Variants in EPM2A observed in about 807,000 individuals in gnomAD.
The protein encoded by EPM2A is EPM2A glucan phosphatase, laforin, also known as laforin.
In EPM2A, 21 loss-of-function variants were observed where a neutral mutation model predicts 26.5. That is an observed-to-expected ratio of 0.79 (90% CI 0.56 to 1.14). The LOEUF is 1.14. Among genes scored for constraint, EPM2A ranks in the 50% most tolerant of loss-of-function variants. The probability of loss-of-function intolerance (pLI) is 0.00; values close to 1 mark genes in which losing one functional copy is unlikely to be tolerated. For synonymous variants in EPM2A, 217 were observed against 177.6 expected (o/e 1.22, Z -1.76); for missense variants, 458 against 440.8 (o/e 1.04, Z -0.35).
intron 2 of EPM2A, among the ~76,000 whole-genome samples, chr6:145,548,692 G>A (rs1469049708): frequency 1.3e-5 from 2 of 152,054 alleles, no homozygotes; most frequent in Non-Finnish European, 2.9e-5. Context: ...CCTCTACCCT[G>A]AAGACACCTC....
intron 2 of EPM2A, among the ~76,000 whole-genome samples, chr6:145,541,324 ATGTGTATATATATGTGTG>A (rs1362441326): frequency 7.4e-6 from 1 of 135,098 alleles, no homozygotes; most frequent in Non-Finnish European, 1.6e-5. Context: ...ATACATATAT[ATGTGTATATATATGTGTG>A]TGTGTATATA....
intron 4 of EPM2A, among the ~76,000 whole-genome samples, chr6:145,441,613 T>C (rs778131314): frequency 1.3e-4 from 20 of 152,038 alleles, no homozygotes; most frequent in South Asian, 4.1e-4. Context: ...CCTGTAATCC[T>C]AGCACCCTGG....
At position 145,552,185 on chromosome 6, in the gene EPM2A, A is replaced by G. The variant is rs538034103; in HGVS notation, c.341-49610T>C. Among the ~76,000 whole-genome samples the G allele has an allele frequency of 9.9e-5, 15 of 152,136 alleles. No homozygotes were observed. In the South Asian group the frequency reaches 1.9e-3, roughly 19 times the overall value. ...TGCTTAAAAATTGGAAATATACAAT[A>G]TTTAAAGATTTTTAAAGGCTGAGAA... On this transcript the variant is annotated intron_variant, in intron 2 of 3. Coordinates refer to the EPM2A transcript ENST00000450221.
intron 2 of EPM2A, among the ~76,000 whole-genome samples, chr6:145,570,985 A>G (rs997681769): frequency 7.9e-5 from 12 of 152,144 alleles, no homozygotes; most frequent in Non-Finnish European, 1.3e-4. Flanking sequence ...CATAACTTCC[A>G]GTTTAATAGA....
chr6:145,574,663 A>T (rs1052365501), intron 2 of EPM2A, among the ~76,000 whole-genome samples: 11 of 152,146 alleles, frequency 7.2e-5, no homozygotes, highest in African/African-American at 2.7e-4. Context: ...AAGCCTTTGG[A>T]TCCCTTCCTC....
chr6:145,637,100 T>C (rs1305411703), intron 2 of EPM2A: 1 of 152,210 alleles, frequency 6.6e-6, no homozygotes, highest in Non-Finnish European at 1.5e-5. Flanking sequence ...TGTACCTGAA[T>C]TGGACTGAAA....
chr6:145,464,757 G>A (rs532210128), intron 4 of EPM2A, among the ~76,000 whole-genome samples: 1 of 151,860 alleles, frequency 6.6e-6, no homozygotes, highest in South Asian at 2.1e-4. Flanking sequence ...TGTTATATAG[G>A]TAGATATGAC....
intron 1 of EPM2A, among the ~76,000 whole-genome samples, chr6:145,715,236 G>A (rs1276381233): frequency 6.6e-6 from 1 of 152,086 alleles, no homozygotes; most frequent in Non-Finnish European, 1.5e-5. Flanking sequence ...ATTCCTGCAA[G>A]TGCTAGACAG....
intron 1 of EPM2A, among the ~76,000 whole-genome samples, chr6:145,728,302 G>A (rs1776312736): frequency 6.6e-6 from 1 of 152,172 alleles, no homozygotes; most frequent in African/African-American, 2.4e-5. Flanking sequence ...GGCAGAGGTT[G>A]GGACAGTTTG....
intron 4 of EPM2A, among the ~76,000 whole-genome samples, chr6:145,422,072 T>TAGAG (rs1327374491): frequency 5.0e-4 from 64 of 127,150 alleles, no homozygotes; most frequent in African/African-American, 1.8e-3. Flanking sequence ...TATATATATA[T>TAGAG]ATATAGAGAG....
At chr6:145,491,082 G>A in intron 4 of EPM2A, 1 of 702,714 alleles carries the variant, frequency 1.4e-6, no homozygotes, top group Admixed American at 1.9e-5. Flanking sequence ...AACATTTGAA[G>A]TTGCTGCAAT....
chr6:145,709,139 G>A (rs1280074350), intron 1 of EPM2A, among the ~76,000 whole-genome samples: 1 of 152,174 alleles, frequency 6.6e-6, no homozygotes, highest in Non-Finnish European at 1.5e-5. Context: ...GGCAGAAGGG[G>A]CTTGCCTTGT....
chr6:145,718,661 C>G (rs1775778205), intron 1 of EPM2A, among the ~76,000 whole-genome samples: 2 of 152,186 alleles, frequency 1.3e-5, no homozygotes, highest in African/African-American at 4.8e-5. Flanking sequence ...GCAAAAGAAA[C>G]TACCATCAGA....
chr6:145,446,074 G>C (rs1312262173), intron 4 of EPM2A, among the ~76,000 whole-genome samples: 1 of 152,150 alleles, frequency 6.6e-6, no homozygotes, highest in Non-Finnish European at 1.5e-5. Context: ...TGAGCCACAA[G>C]CCAACAGTCA....
rs556779934 is a variant in EPM2A at position 145,473,144 on chromosome 6, G to T, written c.555+29378C>A. Among the ~76,000 whole-genome samples, 11 of 152,026 alleles carry T rather than the reference G, an allele frequency of 7.2e-5. No homozygotes were observed. The South Asian group carries it at 2.3e-3, about 32-fold the overall frequency. ...AGTAACTGTGTCGAGGAAACTCAAAGATGTTCAAGATAATGCAGCGAAGGA... is the reference window on the plus strand; with the variant it reads ...AGTAACTGTGTCGAGGAAACTCAAATATGTTCAAGATAATGCAGCGAAGGA... On this transcript the variant is annotated intron_variant, in intron 4 of 4. Coordinates refer to the EPM2A transcript ENST00000638717.
chr6:145,445,675 T>C (rs1779120113), intron 4 of EPM2A, among the ~76,000 whole-genome samples: 1 of 152,106 alleles, frequency 6.6e-6, no homozygotes, highest in African/African-American at 2.4e-5. Context: ...GACCTTTTGT[T>C]TGTTTGTTTT....
chr6:145,424,024 C>T (rs1423305329), intron 4 of EPM2A, among the ~76,000 whole-genome samples: 1 of 152,096 alleles, frequency 6.6e-6, no homozygotes, highest in Non-Finnish European at 1.5e-5. Flanking sequence ...AGCTATGTTC[C>T]CCAGAGTACT....
intron 2 of EPM2A, among the ~76,000 whole-genome samples, chr6:145,505,292 G>A (rs907050271): frequency 2.0e-5 from 3 of 151,768 alleles, no homozygotes; most frequent in Non-Finnish European, 2.9e-5. Context: ...TATAGAAAAG[G>A]TGCATGAATA....
chr6:145,490,697 A>G (rs1779743139), intron 4 of EPM2A: 1 of 585,248 alleles, frequency 1.7e-6, no homozygotes, highest in Non-Finnish European at 3.3e-6. Flanking sequence ...AAATGATAAA[A>G]CAATTTAAAT....
Sources: allele counts gnomAD v4.1 joint callset (sites outside exome capture counted in the v4.1 genomes callset), GRCh38; gene constraint gnomAD v4.1.1; transcripts MANE v1.5; gene names NCBI Gene and HGNC (gene_info 2026-07-23, HGNC 2026-07-21).